Variants in PPP2R3A observed in about 807,000 individuals in gnomAD.
The protein encoded by PPP2R3A is serine/threonine-protein phosphatase 2A regulatory subunit B'' subunit alpha.
In PPP2R3A, 80 loss-of-function variants were observed where a neutral mutation model predicts 106.9. That is an observed-to-expected ratio of 0.75 (90% CI 0.62 to 0.90). The LOEUF is 0.90. PPP2R3A is among the 40% of genes least tolerant of loss of function. The probability of loss-of-function intolerance (pLI) is 0.00; values close to 1 mark genes in which losing one functional copy is unlikely to be tolerated. For synonymous variants in PPP2R3A, 483 were observed against 468.3 expected (o/e 1.03, Z -0.41); for missense variants, 1,386 against 1,350.4 (o/e 1.03, Z -0.41).
intron 5 of PPP2R3A, among the ~76,000 whole-genome samples, chr3:136,050,596 C>T (rs147110067): frequency 1.3e-3 from 192 of 152,264 alleles, no homozygotes; most frequent in Non-Finnish European, 2.3e-3. Context: ...ACCCATGGCC[C>T]GTCTGCCTAG....
chr3:136,096,915 G>C (rs1425607001), intron 10 of PPP2R3A, among the ~76,000 whole-genome samples: 1 of 152,230 alleles, frequency 6.6e-6, no homozygotes, highest in Non-Finnish European at 1.5e-5. Context: ...GTTGCAGTGA[G>C]CTGCGATCAT....
intron 1 of PPP2R3A, among the ~76,000 whole-genome samples, chr3:135,978,287 T>C (rs893641026): frequency 1.3e-5 from 2 of 149,390 alleles, no homozygotes; most frequent in African/African-American, 5.2e-5. Flanking sequence ...GTTCACCAAA[T>C]ACAAATAGTA....
At chr3:135,992,343 T>C (rs1342727436) in intron 1 of PPP2R3A, among the ~76,000 whole-genome samples, 1 of 152,220 alleles carries the variant, frequency 6.6e-6, no homozygotes, top group Non-Finnish European at 1.5e-5. Flanking sequence ...ACAGTTTTTT[T>C]CTGCTCCTAG....
At chr3:136,035,193 G>T (rs1305229153) in intron 3 of PPP2R3A, among the ~76,000 whole-genome samples, 1 of 152,182 alleles carries the variant, frequency 6.6e-6, no homozygotes, top group Non-Finnish European at 1.5e-5. Context: ...TTTAAGTGGA[G>T]TATTTAGGCC....
At chr3:136,134,234 C>T (rs978292548) in intron 13 of PPP2R3A, among the ~76,000 whole-genome samples, 5 of 152,254 alleles carry the variant, frequency 3.3e-5, no homozygotes, top group East Asian at 1.9e-4. Flanking sequence ...CAGGAAGACA[C>T]GCACTTTCAA....
chr3:136,039,120 C>T (rs550783645), intron 3 of PPP2R3A, among the ~76,000 whole-genome samples: 105 of 152,256 alleles, frequency 6.9e-4, no homozygotes, highest in South Asian at 5.0e-3. Context: ...TCTTCAGGCT[C>T]CTGTGGGGGT....
intron 3 of PPP2R3A, among the ~76,000 whole-genome samples, chr3:136,039,424 T>C (rs1935185380): frequency 6.6e-6 from 1 of 152,162 alleles, no homozygotes; most frequent in Non-Finnish European, 1.5e-5. Context: ...TCCCCAACCT[T>C]TTTGGCACCA....
At chr3:136,043,211 G>C (rs943290236) in intron 4 of PPP2R3A, among the ~76,000 whole-genome samples, 2 of 152,068 alleles carry the variant, frequency 1.3e-5, no homozygotes, top group Non-Finnish European at 2.9e-5. Flanking sequence ...TGTAATCCCA[G>C]CACTCTGGGA....
chr3:136,112,276 A>T (rs1174659032), intron 13 of PPP2R3A, among the ~76,000 whole-genome samples: 1 of 152,170 alleles, frequency 6.6e-6, no homozygotes, highest in Admixed American at 6.5e-5. Context: ...CAACATAGTG[A>T]TGGAAGTCCT....
At chr3:136,103,176 C>A in intron 11 of PPP2R3A, 82 bp from the exon 12 acceptor site, 1 of 768,704 alleles carries the variant, frequency 1.3e-6, no homozygotes, top group Non-Finnish European at 2.1e-6. Context: ...TATACCTATA[C>A]TTTTAGATGT....
At chr3:136,021,673 T>A (rs1398951475) in intron 2 of PPP2R3A, among the ~76,000 whole-genome samples, 1 of 152,138 alleles carries the variant, frequency 6.6e-6, no homozygotes, top group Non-Finnish European at 1.5e-5. Context: ...AATGATGTGG[T>A]TGATTGAAAA....
At chr3:136,099,917 T>TAAA (rs553102059) in intron 10 of PPP2R3A, among the ~76,000 whole-genome samples, 2 of 125,202 alleles carry the variant, frequency 1.6e-5, no homozygotes, top group African/African-American at 3.0e-5. Flanking sequence ...TAACAGTTCT[T>TAAA]AAAAAAAAAA....
chr3:136,106,266 T>C lies in PPP2R3A; in HGVS notation c.3273T>C (p.Ala1091=). 6.2e-7 allele frequency: 1 copy of C among 1,612,744 alleles called. No homozygotes were observed. The highest frequency in any genetic ancestry group is 8.5e-7 in the Non-Finnish European group (1 of 1,179,714). ...CCTCAGACTGGGACCGGTTTGCCGC[T>C]GAGGAGTATGAGACGCTTGTTGCAG... is the stretch of plus-strand genomic sequence containing the variant. ...PEPSDWDRFA[A]EEYETLVAEE... is the part of the protein sequence containing the mutation. The change falls in exon 13 of 14, where the codon GCT becomes GCC. Residue 1091 remains alanine, a synonymous_variant. Transcript: ENST00000264977.
In PPP2R3A at chr3:136,139,466, G is replaced by T. The variant is rs190437726; in HGVS notation, c.3330-5577G>T. On this transcript the variant is annotated intron_variant, in intron 13 of 13. Coordinates refer to ENST00000264977, the MANE Select transcript of PPP2R3A (RefSeq NM_002718.5). ...CTCCCAGCCCTTTGGGAGGCCGAGG[G>T]GGGGGATCATGAGGTCAGGAGATCG... is the stretch of plus-strand genomic sequence containing the variant. 3.3e-5 allele frequency among the ~76,000 whole-genome samples: 5 copies of T among 151,842 alleles called. No individual in the cohort carries two copies. The South Asian group carries it at 6.2e-4, about 19-fold the overall frequency.
chr3:136,029,425 G>A (rs1432593660), intron 3 of PPP2R3A, among the ~76,000 whole-genome samples: 1 of 152,120 alleles, frequency 6.6e-6, no homozygotes, highest in Non-Finnish European at 1.5e-5. Flanking sequence ...TCGGGGCCTT[G>A]CTAGCACTCC....
intron 13 of PPP2R3A, among the ~76,000 whole-genome samples, chr3:136,112,443 C>T (rs1319390640): frequency 6.6e-6 from 1 of 152,142 alleles, no homozygotes. Context: ...AGTAAGGTTT[C>T]AGGATACAAA....
At chr3:136,068,690 T>G (rs148084244) in intron 5 of PPP2R3A, among the ~76,000 whole-genome samples, 13 of 152,346 alleles carry the variant, frequency 8.5e-5, no homozygotes, top group African/African-American at 3.1e-4. Flanking sequence ...GAGAGAACTT[T>G]TGAGGAGAAA....
chr3:136,139,893 C>G (rs1237359675), intron 13 of PPP2R3A, among the ~76,000 whole-genome samples: 1 of 150,868 alleles, frequency 6.6e-6, no homozygotes, highest in Non-Finnish European at 1.5e-5. Context: ...GTAATCCCAG[C>G]TACTCAGGAG....
chr3:136,105,782 C>G (rs1253534034), intron 12 of PPP2R3A, among the ~76,000 whole-genome samples: 2 of 151,972 alleles, frequency 1.3e-5, no homozygotes, highest in South Asian at 4.1e-4. Flanking sequence ...GCCAACATGG[C>G]GAAACCCTGT....
Sources: allele counts gnomAD v4.1 joint callset (sites outside exome capture counted in the v4.1 genomes callset), GRCh38; gene constraint gnomAD v4.1.1; transcripts MANE v1.5; gene names NCBI Gene and HGNC (gene_info 2026-07-23, HGNC 2026-07-21).